ROBO2: variants seen among roughly 807,000 people sequenced by gnomAD.
ROBO2 encodes the protein roundabout guidance receptor 2.
Under a neutral mutation model 160.8 loss-of-function variants are expected in ROBO2, and 53 were observed. The ratio of observed to expected loss-of-function variants is 0.33; its 90% CI spans 0.26 to 0.41. ROBO2 has a LOEUF of 0.41. Among genes scored for constraint, ROBO2 ranks in the 10% least tolerant of loss-of-function variants. The pLI, the probability that ROBO2 is intolerant of heterozygous loss-of-function variation, is 1.00. For missense variants in ROBO2, 1,577 were observed against 1,722.4 expected (o/e 0.92, Z 1.49); for synonymous variants, 664 against 611.7 (o/e 1.09, Z -1.26).
At chr3:76,239,291 G>T (rs1441749023) in intron 2 of ROBO2, among the ~76,000 whole-genome samples, 1 of 151,772 alleles carries the variant, frequency 6.6e-6, no homozygotes, top group Non-Finnish European at 1.5e-5. Flanking sequence ...CTATTTAATA[G>T]AAAAATTCAA....
chr3:77,063,261 G>C (rs2066505833), intron 1 of ROBO2, among the ~76,000 whole-genome samples: 1 of 152,206 alleles, frequency 6.6e-6, no homozygotes, highest in African/African-American at 2.4e-5. Flanking sequence ...AAATGGCTGG[G>C]AGAGGAGTGT....
intron 2 of ROBO2, among the ~76,000 whole-genome samples, chr3:76,567,829 G>A (rs1451757326): frequency 1.5e-5 from 2 of 137,816 alleles, no homozygotes; most frequent in African/African-American, 5.4e-5. Context: ...TTTTTGGGGG[G>A]GGTTGGACAG....
intron 2 of ROBO2, among the ~76,000 whole-genome samples, chr3:76,000,242 C>T (rs1015509946): frequency 5.3e-5 from 8 of 152,128 alleles, no homozygotes; most frequent in East Asian, 3.9e-4. Context: ...AAGAAGATGA[C>T]GCTAAGAGAG....
At chr3:77,464,117 C>T (rs1337914130) in intron 2 of ROBO2, among the ~76,000 whole-genome samples, 1 of 152,086 alleles carries the variant, frequency 6.6e-6, no homozygotes, top group Non-Finnish European at 1.5e-5. Flanking sequence ...TTTTTTTAAA[C>T]CTTCATTTTA....
rs1701532564 is a variant in ROBO2 at position 76,182,078 on chromosome 3, G to C, written c.109+244476G>C. ...GGCATGCTTAGTTTGAAATGAAGAA[G>C]GGCCAGGAGCATTAGATGGCTAGAT... is the stretch of plus-strand genomic sequence containing the variant. On this transcript the variant is annotated intron_variant, in intron 2 of 26. Transcript: ENST00000487694. 3.3e-5 allele frequency among the ~76,000 whole-genome samples: 5 copies of C among 152,146 alleles called. No individual in the cohort carries two copies. In the South Asian group the frequency reaches 1.0e-3, roughly 32 times the overall value.
At chr3:77,213,458 T>C (rs2084473121) in intron 2 of ROBO2, among the ~76,000 whole-genome samples, 1 of 152,122 alleles carries the variant, frequency 6.6e-6, no homozygotes, top group African/African-American at 2.4e-5. Flanking sequence ...ATCTATTTGA[T>C]TCTTCTCTCT....
chr3:77,558,235 T>G, intron 9 of ROBO2, 86 bp downstream of exon 10: 1 of 1,034,782 alleles, frequency 9.7e-7, no homozygotes, highest in Non-Finnish European at 1.5e-6. Context: ...CTTAAAATCT[T>G]ACATCCTAGT....
At position 76,622,261 on chromosome 3, in the gene ROBO2, A is replaced by AGAAAGAAAGAAAGAAG. The variant is rs1560252645; in HGVS notation, c.110-475738_110-475737insGGAAAGAAAGAAAGAA. On this transcript the variant is annotated intron_variant, in intron 2 of 26. Coordinates refer to the ROBO2 transcript ENST00000487694. The stretch of plus-strand genomic sequence containing the variant: ...AAGAAAGAAAGAAAGAAAGAAAGAA[A>AGAAAGAAAGAAAGAAG]GAAAGAAAGAAAGAAAGAAAGAAAG... Among the ~76,000 whole-genome samples, 10 of 64,994 alleles carry AGAAAGAAAGAAAGAAG rather than the reference A, an allele frequency of 1.5e-4. 1 individual carries two copies. Among genetic ancestry groups the AGAAAGAAAGAAAGAAG allele is most frequent in the South Asian group, 7.4e-4 (1 of 1,350 alleles). The allele number at this position is 64,994 out of a possible 152,430, so 42.6% of individuals were successfully genotyped here. A position where few individuals can be genotyped will look rare whatever the true frequency, so the allele number is the denominator to read the frequency against.
At chr3:76,376,020 T>C (rs1363768963) in intron 2 of ROBO2, among the ~76,000 whole-genome samples, 3 of 152,112 alleles carry the variant, frequency 2.0e-5, no homozygotes, top group Non-Finnish European at 4.4e-5. Flanking sequence ...ATCTGTATTT[T>C]TACTTTAATC....
chr3:77,292,170 T>G (rs1366933996), intron 2 of ROBO2, among the ~76,000 whole-genome samples: 1 of 150,978 alleles, frequency 6.6e-6, no homozygotes, highest in Non-Finnish European at 1.5e-5. Flanking sequence ...AAGCTGAGGC[T>G]AGATCACGCC....
chr3:77,564,317 G>T, intron 11 of ROBO2: 2 of 347,528 alleles, frequency 5.8e-6, no homozygotes, highest in Non-Finnish European at 5.7e-6. Flanking sequence ...GCTGTAAATG[G>T]GTCCTCACAC....
intron 2 of ROBO2, among the ~76,000 whole-genome samples, chr3:76,305,477 T>C (rs1231445512): frequency 7.1e-6 from 1 of 140,052 alleles, no homozygotes; most frequent in Non-Finnish European, 1.5e-5. Context: ...ACAAGAATCA[T>C]CGGCAGGGTG....
intron 2 of ROBO2, among the ~76,000 whole-genome samples, chr3:76,837,612 A>T (rs914728191): frequency 5.3e-5 from 8 of 151,338 alleles, no homozygotes; most frequent in African/African-American, 1.9e-4. Context: ...ACATTTTATT[A>T]TGCTTGTTTT....
chr3:76,482,679 A>T (rs573016024), intron 2 of ROBO2, among the ~76,000 whole-genome samples: 1 of 152,168 alleles, frequency 6.6e-6, no homozygotes, highest in Admixed American at 6.6e-5. Flanking sequence ...CTCACTGTCT[A>T]ATTTGACCCA....
chr3:76,206,601 T>G (rs1702821992), intron 2 of ROBO2, among the ~76,000 whole-genome samples: 1 of 152,142 alleles, frequency 6.6e-6, no homozygotes, highest in Admixed American at 6.6e-5. Flanking sequence ...ATATAGACAC[T>G]CCCATGTGTG....
chr3:77,600,668 G>A (rs1159270342), intron 19 of ROBO2, among the ~76,000 whole-genome samples: 3 of 152,038 alleles, frequency 2.0e-5, no homozygotes, highest in Non-Finnish European at 2.9e-5. Flanking sequence ...TGGTAGAAGC[G>A]GCAGAAACAA....
intron 2 of ROBO2, among the ~76,000 whole-genome samples, chr3:75,962,441 T>C (rs1314378241): frequency 6.6e-6 from 1 of 151,854 alleles, no homozygotes; most frequent in Non-Finnish European, 1.5e-5. Context: ...AGATATAACG[T>C]GTTTAACTTT....
chr3:76,755,323 G>C (rs1231860817), intron 2 of ROBO2, among the ~76,000 whole-genome samples: 1 of 151,718 alleles, frequency 6.6e-6, no homozygotes, highest in Non-Finnish European at 1.5e-5. Flanking sequence ...TGGATTATCA[G>C]ACCTCGTATT....
chr3:76,919,227 TGTCA>T (rs2076518225), intron 2 of ROBO2, among the ~76,000 whole-genome samples: 1 of 152,162 alleles, frequency 6.6e-6, no homozygotes, highest in Non-Finnish European at 1.5e-5. Flanking sequence ...AAGAAAGTGA[TGTCA>T]GTCACTCCTG....
Sources: allele counts gnomAD v4.1 joint callset (sites outside exome capture counted in the v4.1 genomes callset), GRCh38; gene constraint gnomAD v4.1.1; transcripts MANE v1.5; gene names NCBI Gene and HGNC (gene_info 2026-07-23, HGNC 2026-07-21).